Variants in THEM6 observed in about 807,000 individuals in gnomAD.
THEM6 encodes thioesterase superfamily member 6.
A neutral mutation model predicts 13.7 loss-of-function variants in THEM6; 10 were observed. That is an observed-to-expected ratio of 0.73 (90% confidence interval 0.45 to 1.24). The LOEUF is 1.24. Among genes scored for constraint, THEM6 ranks in the 50% most tolerant of loss-of-function variants. THEM6 has a pLI of 0.00. For missense variants in THEM6, 317 were observed against 312.6 expected (o/e 1.01, Z -0.11); for synonymous variants, 161 against 156.0 (o/e 1.03, Z -0.24).
Position 142,727,734 on chromosome 8 carries a change from G to T in THEM6, c.388G>T (p.Ala130Ser). The T allele has an allele frequency of 6.9e-7, 1 of 1,439,262 alleles. No individual in the cohort carries two copies. Among genetic ancestry groups the T allele is most frequent in the South Asian group, 1.4e-5 (1 of 70,220 alleles). 89.2% of individuals were successfully genotyped at this position (1,439,262 alleles called of 1,614,324 possible). A position where few individuals can be genotyped will look rare whatever the true frequency, so the allele number is the denominator to read the frequency against. The change falls in exon 1 of 2, where the codon GCG becomes TCG. Residue 130 changes from alanine to serine, a missense_variant. Coordinates refer to ENST00000336138, the MANE Select transcript of THEM6 (RefSeq NM_016647.3). The stretch of plus-strand genomic sequence containing the variant: ...CCGCCTGCTGGGCTGGGACGACCGC[G>T]CGTTCTACCTGGAGGCGCGCTTTGT... ...RTRLLGWDDR[A>S]FYLEARFVSL... is the part of the protein sequence containing the mutation.
In THEM6 at chr8:142,736,705, T is replaced by C. The variant is rs1296120045; in HGVS notation, c.*1266T>C. The stretch of plus-strand genomic sequence containing the variant: ...CACTGCTTGTCAGCTCAGGGCCCTG[T>C]GCCCGCTTGCCTGTTCCCCTACATC... On this transcript the variant is annotated 3_prime_UTR_variant, in exon 2 of 2. Coordinates refer to ENST00000336138, the MANE Select transcript of THEM6 (RefSeq NM_016647.3). 6.6e-6 allele frequency: 1 copy of C among 152,286 alleles called. No homozygotes were observed. Among genetic ancestry groups the C allele is most frequent in the Non-Finnish European group, 1.5e-5 (1 of 68,108 alleles). The allele number at this position is 152,286 out of a possible 1,614,324, so 9.4% of individuals were successfully genotyped here. A position where few individuals can be genotyped will look rare whatever the true frequency, so the allele number is the denominator to read the frequency against.
chr8:142,735,165 G>T (rs587693435), intron 1 of THEM6, 161 bp from the exon 2 acceptor site: 13 of 625,882 alleles, frequency 2.1e-5, no homozygotes, highest in Non-Finnish European at 3.2e-5. Context: ...GGGTATGCAG[G>T]GGTAGCACAA....
chr8:142,729,880 C>T (rs1815605956), intron 1 of THEM6, among the ~76,000 whole-genome samples: 2 of 152,152 alleles, frequency 1.3e-5, no homozygotes, highest in Admixed American at 1.3e-4. Flanking sequence ...AGTTGGCAGG[C>T]TATAGGAGCA....
chr8:142,727,347 ATGCTGGGGC>A lies in THEM6; in HGVS notation c.8_16del (p.GlyLeuLeu3_?5). ...GGACCCCGCGCCCGCCGCCGCCGCT[ATGCTGGGGC>A]TGCTGGTGGCGTTGCTGGCCCTGGG... is the stretch of plus-strand genomic sequence containing the variant. On this transcript the variant is annotated start_lost and inframe_deletion, in exon 1 of 2. Transcript: ENST00000336138. The A allele has an allele frequency of 6.6e-7, 1 of 1,514,292 alleles. No individual in the cohort carries two copies. The highest frequency in any genetic ancestry group is 1.2e-5 in the South Asian group (1 of 82,260). 93.8% of individuals were successfully genotyped at this position (1,514,292 alleles called of 1,614,324 possible). A position where few individuals can be genotyped will look rare whatever the true frequency, so the allele number is the denominator to read the frequency against.
At position 142,735,308 on chromosome 8, in the gene THEM6, C is replaced by G. The variant is rs1245100562; in HGVS notation, c.514-18C>G. On this transcript the variant is annotated intron_variant, in intron 1 of 1. Coordinates refer to ENST00000336138, the MANE Select transcript of THEM6 (RefSeq NM_016647.3). ...AAGGCCGTAGCTTAGCTGGGTGTCC[C>G]CTTTCTGTCCTCTGCAGGTGGAGCC... The G allele has an allele frequency of 1.3e-6, 2 of 1,540,072 alleles. No homozygotes were observed. The highest frequency in any genetic ancestry group is 2.7e-5 in the African/African-American group (2 of 72,960).
At chr8:142,733,406 G>T (rs1010166255) in intron 1 of THEM6, among the ~76,000 whole-genome samples, 4 of 152,222 alleles carry the variant, frequency 2.6e-5, no homozygotes, top group Non-Finnish European at 5.9e-5. Flanking sequence ...GCTTCTAAGA[G>T]AAGTTACTAT....
Position 142,727,674 on chromosome 8 carries a change from T to C in THEM6, c.328T>C (p.Ser110Pro), listed in dbSNP as rs372376868. 6.3e-6 allele frequency: 9 copies of C among 1,432,504 alleles called. No individual in the cohort carries two copies. Among genetic ancestry groups the C allele is most frequent in the Admixed American group, 6.1e-5 (2 of 32,878 alleles). The allele number at this position is 1,432,504 out of a possible 1,614,324, so 88.7% of individuals were successfully genotyped here. Residue 110 changes from serine (S) to proline (P), a missense_variant, in exon 1 of 2, where the codon TCG becomes CCG. Physicochemically the swap from Ser to Pro is moderately conservative, Grantham distance 74 (BLOSUM62 -1). Transcript: ENST00000336138. ...GGCCTCGTGCGCGCGCCACCGCCGC[T>C]CGCTGCGCCTGCTGGAGCCCTTCGA... The part of the protein sequence containing the change: ...LAASCARHRR[S>P]LRLLEPFEVR...
Position 142,727,416 on chromosome 8 carries a change from C to T in THEM6, c.70C>T (p.Leu24=). ...AVFALLDVWY[L]VRLPCAVLRA... ...CTTTGCGCTGCTGGACGTCTGGTAC[C>T]TGGTGCGCCTTCCGTGCGCCGTGCT... The change falls in exon 1 of 2, where the codon CTG becomes TTG. Residue 24 remains leucine (L), a synonymous_variant. Coordinates refer to ENST00000336138, the MANE Select transcript of THEM6 (RefSeq NM_016647.3). 2.0e-6 allele frequency: 3 copies of T among 1,538,366 alleles called. No homozygotes were observed. Among genetic ancestry groups the T allele is most frequent in the Non-Finnish European group, 2.6e-6 (3 of 1,149,066 alleles).
chr8:142,733,258 G>A (rs587689319), intron 1 of THEM6, among the ~76,000 whole-genome samples: 15 of 152,360 alleles, frequency 9.8e-5, no homozygotes, highest in Admixed American at 2.0e-4. Flanking sequence ...CCTAATGCCC[G>A]CTTGGACCAG....
chr8:142,735,207 C>T (rs1373462619), intron 1 of THEM6, 119 bp from the exon 2 acceptor site: 7 of 736,576 alleles, frequency 9.5e-6, no homozygotes, highest in Non-Finnish European at 1.4e-5. Flanking sequence ...ATGGGCAAAG[C>T]ATGGCAGGCG....
chr8:142,729,166 A>G (rs1554642727), intron 1 of THEM6, among the ~76,000 whole-genome samples: 2 of 152,136 alleles, frequency 1.3e-5, no homozygotes, highest in African/African-American at 4.8e-5. Flanking sequence ...TTCTCCAGAC[A>G]TCGGGATATC....
intron 1 of THEM6, among the ~76,000 whole-genome samples, chr8:142,733,121 C>G (rs2572913): frequency 0.21 from 31,651 of 152,090 alleles, 3,517 homozygotes; most frequent in East Asian, 0.41. Context: ...GTATCTGTCC[C>G]GATTGGCTAG....
At chr8:142,728,283 C>G (rs1401672281) in intron 1 of THEM6, among the ~76,000 whole-genome samples, 1 of 152,204 alleles carries the variant, frequency 6.6e-6, no homozygotes, top group Non-Finnish European at 1.5e-5. Flanking sequence ...CCTGAGCCCC[C>G]CTTTCACACA....
At chr8:142,729,076 A>G (rs1321855040) in intron 1 of THEM6, among the ~76,000 whole-genome samples, 1 of 151,262 alleles carries the variant, frequency 6.6e-6, no homozygotes, top group Non-Finnish European at 1.5e-5. Flanking sequence ...ACTAGCTGGG[A>G]CTACGGCGCC....
chr8:142,729,099 C>T (rs587632265), intron 1 of THEM6, among the ~76,000 whole-genome samples: 5 of 151,834 alleles, frequency 3.3e-5, no homozygotes, highest in African/African-American at 7.2e-5. Flanking sequence ...CCACCACGCC[C>T]GGCTAATTTT....
At chr8:142,733,330 C>T (rs142848228) in intron 1 of THEM6, among the ~76,000 whole-genome samples, 11 of 152,344 alleles carry the variant, frequency 7.2e-5, no homozygotes, top group Non-Finnish European at 2.9e-5. Flanking sequence ...TAAAGTAGTA[C>T]ATTGCTTTCT....
chr8:142,732,207 T>TATATATATA (rs1563822652), intron 1 of THEM6, among the ~76,000 whole-genome samples: 469 of 91,266 alleles, frequency 5.1e-3, no homozygotes, highest in Middle Eastern at 0.012. Context: ...TATATATATA[T>TATATATATA]TTTAACTACT....
At position 142,727,407 on chromosome 8, in the gene THEM6, G is replaced by C; in HGVS notation, c.61G>C (p.Val21Leu). 2 of 1,533,884 alleles carry C rather than the reference G, an allele frequency of 1.3e-6. No homozygotes were observed. Among genetic ancestry groups the C allele is most frequent in the Non-Finnish European group, 1.7e-6 (2 of 1,146,624 alleles). ...GCTCGCTGTCTTTGCGCTGCTGGAC[G>C]TCTGGTACCTGGTGCGCCTTCCGTG... ...LGLAVFALLD[V>L]WYLVRLPCAV... Residue 21 changes from valine (V) to leucine (L), a missense_variant, in exon 1 of 2, where the codon GTC becomes CTC. Physicochemically the swap from Val to Leu is conservative, Grantham distance 32. Coordinates refer to ENST00000336138, the MANE Select transcript of THEM6 (RefSeq NM_016647.3).
rs998178082 is a variant in THEM6, at chr8:142,727,808, C to T, written c.462C>T (p.His154=). The T allele has an allele frequency of 4.1e-6, 6 of 1,466,892 alleles. No homozygotes were observed. Among genetic ancestry groups the T allele is most frequent in the Non-Finnish European group, 3.6e-6 (4 of 1,118,122 alleles). The allele number at this position is 1,466,892 out of a possible 1,614,324, so 90.9% of individuals were successfully genotyped here. A position where few individuals can be genotyped will look rare whatever the true frequency, so the allele number is the denominator to read the frequency against. Residue 154 remains histidine, a synonymous_variant, in exon 1 of 2, where the codon CAC becomes CAT. Transcript: ENST00000336138. ...GCGCGCTGCTGCGCTTCCGGCAGCA[C>T]CTGCTGGGCACCTCACCCGAGCGCG... is the stretch of plus-strand genomic sequence containing the variant. ...FVCALLRFRQ[H]LLGTSPERVV...
Sources: allele counts gnomAD v4.1 joint callset (sites outside exome capture counted in the v4.1 genomes callset), GRCh38; gene constraint gnomAD v4.1.1; transcripts MANE v1.5; gene names NCBI Gene and HGNC (gene_info 2026-07-23, HGNC 2026-07-21).